SLC26A5: variants seen among roughly 807,000 people sequenced by gnomAD.
The protein encoded by SLC26A5 is solute carrier family 26 member 5.
Under a neutral mutation model 81.0 loss-of-function variants are expected in SLC26A5, and 51 were observed. That is an observed-to-expected ratio of 0.63 (90% CI 0.50 to 0.80). The LOEUF is 0.80. Among genes scored for constraint, SLC26A5 ranks in the 30% least tolerant of loss-of-function variants. SLC26A5 has a pLI of 0.00. For missense variants in SLC26A5, 771 were observed against 905.8 expected (o/e 0.85, Z 1.91); for synonymous variants, 325 against 332.8 (o/e 0.98, Z 0.25).
chr7:103,366,542 A>T (rs1231931540), intron 19 of SLC26A5, among the ~76,000 whole-genome samples: 1 of 152,204 alleles, frequency 6.6e-6, no homozygotes. Flanking sequence ...TGCTTTTGTC[A>T]TGTTGGTGCT....
intron 14 of SLC26A5, among the ~76,000 whole-genome samples, chr7:103,383,854 G>A (rs1337518632): frequency 1.3e-5 from 2 of 151,952 alleles, no homozygotes; most frequent in African/African-American, 4.8e-5. Flanking sequence ...AAAAAATTTT[G>A]TAGGTCTCAC....
intron 2 of SLC26A5, among the ~76,000 whole-genome samples, chr7:103,440,090 ACTT>A (rs1360745446): frequency 6.6e-6 from 1 of 152,178 alleles, no homozygotes; most frequent in Admixed American, 6.5e-5. Context: ...ATGATGGTTT[ACTT>A]CTTTATTTTC....
chr7:103,433,461 T>C (rs1439106339), intron 2 of SLC26A5: 1 of 152,194 alleles, frequency 6.6e-6, no homozygotes, highest in East Asian at 1.9e-4. Context: ...TCATCATTTT[T>C]TTAGGCTAGT....
At chr7:103,438,213 T>C (rs1292828939) in intron 2 of SLC26A5, among the ~76,000 whole-genome samples, 2 of 152,108 alleles carry the variant, frequency 1.3e-5, no homozygotes, top group Non-Finnish European at 2.9e-5. Context: ...AATTTCAAAT[T>C]ATAAAAACCA....
chr7:103,389,378 A>G lies in SLC26A5; in HGVS notation c.1358T>C (p.Met453Thr), dbSNP rs1822458915. 1 of 1,614,084 alleles carries G rather than the reference A, an allele frequency of 6.2e-7. No homozygotes were observed. The highest frequency in any genetic ancestry group is 8.5e-7 in the Non-Finnish European group (1 of 1,180,036). The change falls in exon 13 of 20, where the codon ATG (methionine) becomes ACG (threonine). Residue 453 changes from methionine to threonine, a missense_variant. Met to Thr is a moderately conservative substitution (Grantham distance 81). Coordinates refer to ENST00000306312, the MANE Select transcript of SLC26A5 (RefSeq NM_198999.3). ...GAAAAAGGGGAGATCTGAGAACTGC[A>G]TAAACATTCCCTTCAGGTTGACAAT... The part of the protein sequence containing the change: ...IVIVNLKGMF[M>T]QFSDLPFFWR...
At chr7:103,380,625 T>C in intron 14 of SLC26A5, 76 bp from the exon 15 acceptor site, 3 of 1,384,966 alleles carry the variant, frequency 2.2e-6, no homozygotes, top group Non-Finnish European at 3.1e-6. Flanking sequence ...TGTATGTTTA[T>C]GTCAGGTTGG....
chr7:103,412,542 G>GTTTT lies in SLC26A5; in HGVS notation c.403+456_403+459dup, dbSNP rs1244758241. Among the ~76,000 whole-genome samples, 141 of 121,596 alleles carry GTTTT rather than the reference G, an allele frequency of 1.2e-3. 5 individuals are homozygous for GTTTT. Among genetic ancestry groups the GTTTT allele is most frequent in the East Asian group, 3.0e-3 (12 of 4,052 alleles). The allele number at this position is 121,596 out of a possible 152,430, so 79.8% of individuals were successfully genotyped here. On this transcript the variant is annotated intron_variant, in intron 5 of 19. Transcript: ENST00000306312. Reference sequence around the variant, plus strand: ...TTCTAGAAATCTTGGGAGGAGTGTAGTTTTTTTTTTGTTTTTTTTTTTTTT... The same window carrying GTTTT: ...TTCTAGAAATCTTGGGAGGAGTGTAGTTTTTTTTTTTTTTGTTTTTTTTTTTTTT...
At chr7:103,405,811 G>A (rs1457508880) in intron 8 of SLC26A5, among the ~76,000 whole-genome samples, 1 of 152,216 alleles carries the variant, frequency 6.6e-6, no homozygotes, top group Admixed American at 6.5e-5. Context: ...CTGTCCCAGG[G>A]AGATGGGAGT....
At chr7:103,391,768 T>C (rs765153096) in intron 10 of SLC26A5, 33 bp from the exon 11 acceptor site, 9 of 1,556,884 alleles carry the variant, frequency 5.8e-6, no homozygotes, top group Admixed American at 1.7e-5. Context: ...ACAAAAGAGA[T>C]AGGTCATTCT....
At chr7:103,392,130 C>T (rs1439423897) in intron 10 of SLC26A5, among the ~76,000 whole-genome samples, 2 of 152,258 alleles carry the variant, frequency 1.3e-5, no homozygotes, top group East Asian at 1.9e-4. Context: ...TGAGTACATG[C>T]CAGTGTCTTC....
At chr7:103,428,466 G>C (rs1482255388) in intron 2 of SLC26A5, among the ~76,000 whole-genome samples, 1 of 151,848 alleles carries the variant, frequency 6.6e-6, no homozygotes, top group African/African-American at 2.4e-5. Context: ...AGGAATCTAT[G>C]CCATAAATAT....
At position 103,367,390 on chromosome 7, in the gene SLC26A5, T is replaced by TATC. The variant is rs758659209; in HGVS notation, c.2041+9415_2041+9417dup. 1 of 1,611,676 alleles carries TATC rather than the reference T, an allele frequency of 6.2e-7. No homozygotes were observed. On this transcript the variant is annotated intron_variant, in intron 19 of 19. Transcript: ENST00000339444. The surrounding 1 kb of genome is among the most constrained non-coding windows in gnomAD (Gnocchi z 6.1). The stretch of plus-strand genomic sequence containing the variant: ...TACTCTTGAGTGGACTTGAAGAGCT[T>TATC]ATCTTTCCTTTTGTCTTCTCAGGGG...
chr7:103,387,128 C>A (rs1021301341), intron 14 of SLC26A5, among the ~76,000 whole-genome samples: 6 of 152,194 alleles, frequency 3.9e-5, no homozygotes, highest in African/African-American at 1.4e-4. Context: ...CTTACATATG[C>A]TAATAAAGTT....
intron 7 of SLC26A5, among the ~76,000 whole-genome samples, chr7:103,408,258 G>T (rs1303988413): frequency 6.6e-6 from 1 of 152,008 alleles, no homozygotes; most frequent in East Asian, 1.9e-4. Flanking sequence ...ACACAGTCTT[G>T]CTCTGTTGCC....
chr7:103,422,517 A>G (rs1308157517), intron 2 of SLC26A5, among the ~76,000 whole-genome samples: 1 of 152,206 alleles, frequency 6.6e-6, no homozygotes, highest in East Asian at 1.9e-4. Flanking sequence ...TATTTGTAGT[A>G]AAAGTATAAA....
rs144150940 is a variant in SLC26A5 at position 103,377,736 on chromosome 7, G to A, written c.1849C>T (p.Pro617Ser). The A allele has an allele frequency of 4.0e-5, 64 of 1,614,032 alleles. No homozygotes were observed. The highest frequency in any genetic ancestry group is 3.3e-4 in the South Asian group (30 of 91,066). Residue 617 changes from proline to serine, a missense_variant, in exon 18 of 20, where the codon CCC (proline) becomes TCC (serine). Transcript: ENST00000306312. ...AATGTGCTTTTGATCACTATTGGGG[G>A]ATATTTTACTTCACCATCCTCTTCT... ...PEEEDGEVKYPPIVIKSTFPE... is the reference protein window; with the variant it reads ...PEEEDGEVKYSPIVIKSTFPE...
intron 19 of SLC26A5, chr7:103,362,110 A>C: frequency 6.2e-7 from 1 of 1,611,182 alleles, no homozygotes; most frequent in African/African-American, 1.3e-5. Context: ...ATTTACAATA[A>C]ATACTTTTCT....
intron 14 of SLC26A5, among the ~76,000 whole-genome samples, chr7:103,382,613 G>A (rs1189842881): frequency 6.6e-6 from 1 of 151,982 alleles, no homozygotes; most frequent in Non-Finnish European, 1.5e-5. Flanking sequence ...GCCTCCCAAA[G>A]TGCCAGGATT....
At chr7:103,364,337 C>G in intron 19 of SLC26A5, 2 of 1,608,932 alleles carry the variant, frequency 1.2e-6, no homozygotes, top group Non-Finnish European at 1.7e-6. Flanking sequence ...GAATATATAG[C>G]CTTGTGAAAG....
Sources: allele counts gnomAD v4.1 joint callset (sites outside exome capture counted in the v4.1 genomes callset), GRCh38; gene constraint gnomAD v4.1.1; non-coding constraint Gnocchi (gnomAD v3.1); transcripts MANE v1.5; gene names NCBI Gene and HGNC (gene_info 2026-07-23, HGNC 2026-07-21).